Variants in FHIP1A observed in about 807,000 individuals in gnomAD.
The protein encoded by FHIP1A is FHF complex subunit HOOK interacting protein 1A.
Under a neutral mutation model 88.6 loss-of-function variants are expected in FHIP1A, and 61 were observed. The ratio of observed to expected loss-of-function variants is 0.69; its 90% CI spans 0.56 to 0.85. The LOEUF (loss-of-function observed/expected upper bound fraction) is 0.85, where lower values mean the gene tolerates loss of function less well. Ranked by LOEUF, FHIP1A falls within the 40% of genes least tolerant of loss-of-function variation. The pLI is 0.00. For missense variants in FHIP1A, 1,154 were observed against 1,273.5 expected, an observed-to-expected ratio of 0.91 and a Z score of 1.43; for synonymous variants, 478 against 496.0, an observed-to-expected ratio of 0.96 and a Z score of 0.48.
At position 151,636,045 on chromosome 4, in the gene FHIP1A, A is replaced by G. The variant is rs566719061; in HGVS notation, c.1147-2632A>G. Among the ~76,000 whole-genome samples, 20 of 152,076 alleles carry G rather than the reference A, an allele frequency of 1.3e-4. No homozygotes were observed. In the South Asian group the frequency reaches 3.5e-3, roughly 27 times the overall value. Reference sequence around the variant, plus strand: ...ACGGGAAAACTCTACACTAACATCTACTATGAATATGGGCTCCCCAGTTCT... The same window carrying G: ...ACGGGAAAACTCTACACTAACATCTGCTATGAATATGGGCTCCCCAGTTCT... On this transcript the variant is annotated intron_variant, in intron 8 of 13. Coordinates refer to ENST00000435205, the MANE Select transcript of FHIP1A (RefSeq NM_001109977.3).
chr4:151,468,118 A>C (rs1729388591), intron 2 of FHIP1A, among the ~76,000 whole-genome samples: 2 of 151,764 alleles, frequency 1.3e-5, no homozygotes, highest in African/African-American at 4.8e-5. Flanking sequence ...CCCCGTCTCT[A>C]CTAAAAATAC....
chr4:151,471,086 A>G (rs951296418), intron 2 of FHIP1A, among the ~76,000 whole-genome samples: 6 of 152,244 alleles, frequency 3.9e-5, no homozygotes, highest in Non-Finnish European at 8.8e-5. Flanking sequence ...CAATGAATGC[A>G]TATAGATGAG....
intron 3 of FHIP1A, among the ~76,000 whole-genome samples, chr4:151,521,306 C>G (rs1048412069): frequency 8.5e-5 from 13 of 152,252 alleles, no homozygotes; most frequent in Admixed American, 8.5e-4. Flanking sequence ...AAGGGAGGAA[C>G]AGTCATTTTG....
Position 151,646,659 on chromosome 4 carries a change from C to T in FHIP1A, c.1328C>T (p.Pro443Leu). 6.4e-7 allele frequency: 1 copy of T among 1,551,602 alleles called. No homozygotes were observed. The highest frequency in any genetic ancestry group is 8.7e-7 in the Non-Finnish European group (1 of 1,146,896). The change falls in exon 10 of 14, where the codon CCT becomes CTT. Residue 443 changes from proline (P) to leucine (L), a missense_variant. By Grantham distance (98) the Pro-to-Leu change is moderately conservative. Coordinates refer to ENST00000435205, the MANE Select transcript of FHIP1A (RefSeq NM_001109977.3). The stretch of plus-strand genomic sequence containing the variant: ...GCGGCCAAGCTTCTCGCCTTGACTC[C>T]TGTCTGCTGCTCCAGCGGGATCACT... Reference protein sequence around the residue: ...VSAAKLLALTPVCCSSGITLT... With the variant: ...VSAAKLLALTLVCCSSGITLT...
At chr4:151,409,506 C>G (rs1732513176) in intron 1 of FHIP1A, 41 bp downstream of exon 1, 1 of 152,542 alleles carries the variant, frequency 6.6e-6, no homozygotes, top group African/African-American at 2.4e-5. Context: ...TTGAGGGATT[C>G]TTTTATTTTA....
intron 3 of FHIP1A, among the ~76,000 whole-genome samples, chr4:151,519,220 T>C (rs1335836226): frequency 6.6e-6 from 1 of 152,208 alleles, no homozygotes; most frequent in Admixed American, 6.5e-5. Flanking sequence ...AAGGTTCCCT[T>C]CTGACCCTTC....
intron 1 of FHIP1A, among the ~76,000 whole-genome samples, chr4:151,429,449 C>A (rs2126537023): frequency 6.6e-6 from 1 of 152,308 alleles, no homozygotes; most frequent in East Asian, 1.9e-4. Context: ...GAGGTTACCT[C>A]CTTATTTCAT....
At chr4:151,593,296 G>A (rs926124116) in intron 7 of FHIP1A, among the ~76,000 whole-genome samples, 1 of 152,162 alleles carries the variant, frequency 6.6e-6, no homozygotes, top group Non-Finnish European at 1.5e-5. Context: ...CTAATTCTGT[G>A]AAGAAAGTCA....
chr4:151,493,174 G>T (rs1000599492), intron 3 of FHIP1A, among the ~76,000 whole-genome samples: 3 of 152,124 alleles, frequency 2.0e-5, no homozygotes, highest in Admixed American at 2.0e-4. Context: ...AAATACAAGA[G>T]ATTATTCAAG....
intron 3 of FHIP1A, among the ~76,000 whole-genome samples, chr4:151,505,566 G>T (rs1168565544): frequency 6.6e-6 from 1 of 152,226 alleles, no homozygotes; most frequent in Non-Finnish European, 1.5e-5. Flanking sequence ...GATGACCACT[G>T]TGAAGCATAT....
chr4:151,634,837 A>T (rs575470150), intron 8 of FHIP1A, among the ~76,000 whole-genome samples: 1 of 152,024 alleles, frequency 6.6e-6, no homozygotes, highest in South Asian at 2.1e-4. Flanking sequence ...ATAGCAATGG[A>T]TTTTGTAATA....
chr4:151,431,526 AG>A (rs1733592099), intron 1 of FHIP1A, among the ~76,000 whole-genome samples: 1 of 152,140 alleles, frequency 6.6e-6, no homozygotes, highest in Non-Finnish European at 1.5e-5. Flanking sequence ...TCAAGTGTTA[AG>A]GGAAAGAGAA....
intron 3 of FHIP1A, among the ~76,000 whole-genome samples, chr4:151,495,062 G>A (rs986510971): frequency 6.6e-6 from 1 of 152,156 alleles, no homozygotes; most frequent in African/African-American, 2.4e-5. Context: ...TTGTTTATCA[G>A]ATTTAGGGGC....
At chr4:151,451,878 T>C (rs1364097136) in intron 1 of FHIP1A, among the ~76,000 whole-genome samples, 2 of 151,694 alleles carry the variant, frequency 1.3e-5, no homozygotes, top group African/African-American at 2.4e-5. Flanking sequence ...TGAAGTGCCA[T>C]GGCACTCTCA....
chr4:151,591,665 C>T (rs1301533952), intron 7 of FHIP1A, among the ~76,000 whole-genome samples: 3 of 152,052 alleles, frequency 2.0e-5, no homozygotes, highest in Non-Finnish European at 4.4e-5. Context: ...CATGTGTTCT[C>T]GTTCAACTCC....
At chr4:151,601,576 C>T (rs527680177) in intron 7 of FHIP1A, among the ~76,000 whole-genome samples, 14 of 149,644 alleles carry the variant, frequency 9.4e-5, no homozygotes, top group African/African-American at 2.5e-4. Flanking sequence ...TCCAATGTGA[C>T]GGGTAGAAAT....
At chr4:151,497,795 T>G (rs1043384682) in intron 3 of FHIP1A, among the ~76,000 whole-genome samples, 3 of 152,258 alleles carry the variant, frequency 2.0e-5, no homozygotes, top group African/African-American at 7.2e-5. Context: ...CTGAGCCCTC[T>G]TCTCGACTCA....
At chr4:151,526,727 C>T (rs539688819) in intron 3 of FHIP1A, among the ~76,000 whole-genome samples, 26 of 150,812 alleles carry the variant, frequency 1.7e-4, no homozygotes, top group Middle Eastern at 3.5e-3. Flanking sequence ...ACTTCCCAGA[C>T]GGGGCGGCTG....
chr4:151,615,118 G>A lies in FHIP1A; in HGVS notation c.979-14584G>A, dbSNP rs189985299. 1.5e-3 allele frequency among the ~76,000 whole-genome samples: 221 copies of A among 152,268 alleles called. 1 individual carries two copies. Among genetic ancestry groups the A allele is most frequent in the African/African-American group, 4.7e-3 (195 of 41,540 alleles). ...GGAGTGGTTATAAATCCTCTAAAACGCCATCAATTGAACTCTTACAATGGG... is the reference window on the plus strand; with the variant it reads ...GGAGTGGTTATAAATCCTCTAAAACACCATCAATTGAACTCTTACAATGGG... On this transcript the variant is annotated intron_variant, in intron 7 of 13. Coordinates refer to ENST00000435205, the MANE Select transcript of FHIP1A (RefSeq NM_001109977.3).
Sources: gnomAD v4.1 joint callset for allele counts (sites outside exome capture counted in the v4.1 genomes callset) on GRCh38, gnomAD v4.1.1 for gene constraint, MANE v1.5 for transcripts, NCBI Gene and HGNC (gene_info 2026-07-23, HGNC 2026-07-21) for gene names.